Variants in KLHDC10 observed in about 807,000 individuals in gnomAD.
KLHDC10 encodes the protein kelch domain-containing protein 10.
Under a neutral mutation model 56.1 loss-of-function variants are expected in KLHDC10, and 24 were observed. The observed-to-expected ratio is 0.43, with a 90% CI of 0.31 to 0.60. KLHDC10 has a LOEUF of 0.60. Ranked by LOEUF, KLHDC10 falls within the 20% of genes least tolerant of loss-of-function variation. KLHDC10 has a pLI of 0.11. For synonymous variants in KLHDC10, 188 were observed against 207.1 expected (o/e 0.91, Z 0.79); for missense variants, 349 against 567.0 (o/e 0.62, Z 3.91).
intron 1 of KLHDC10, among the ~76,000 whole-genome samples, chr7:130,077,112 T>C (rs1321472587): frequency 6.6e-6 from 1 of 151,990 alleles, no homozygotes; most frequent in African/African-American, 2.4e-5. Context: ...CCCAACACTT[T>C]GGGATGCTGA....
intron 8 of KLHDC10, among the ~76,000 whole-genome samples, chr7:130,128,869 G>C (rs1186464688): frequency 2.0e-5 from 1 of 48,816 alleles, no homozygotes; most frequent in East Asian, 4.0e-4. Context: ...GTGAGACCTT[G>C]TCTCTTAAAA....
intron 6 of KLHDC10, among the ~76,000 whole-genome samples, chr7:130,125,449 A>G (rs961001318): frequency 6.6e-6 from 1 of 152,134 alleles, no homozygotes; most frequent in African/African-American, 2.4e-5. Context: ...AGGCTGAGGC[A>G]GGAGAATTGC....
intron 1 of KLHDC10, among the ~76,000 whole-genome samples, chr7:130,087,673 A>C (rs1183849903): frequency 6.6e-6 from 1 of 152,200 alleles, no homozygotes; most frequent in African/African-American, 2.4e-5. Flanking sequence ...AATTGATCAA[A>C]TGCTAACCAC....
chr7:130,077,840 C>T (rs1251450900), intron 1 of KLHDC10, among the ~76,000 whole-genome samples: 2 of 151,836 alleles, frequency 1.3e-5, no homozygotes, highest in Non-Finnish European at 2.9e-5. Flanking sequence ...CAGACGAGAG[C>T]CACCGCGCCC....
intron 1 of KLHDC10, among the ~76,000 whole-genome samples, chr7:130,095,662 C>T (rs1263730946): frequency 6.6e-6 from 1 of 152,124 alleles, no homozygotes; most frequent in Admixed American, 6.6e-5. Context: ...ATCTGTATAT[C>T]TCTATGTACA....
At position 130,130,202 on chromosome 7, in the gene KLHDC10, C is replaced by T. The variant is rs1796379919; in HGVS notation, c.1120-335C>T. 6.6e-6 allele frequency among the ~76,000 whole-genome samples: 1 copy of T among 151,684 alleles called. No individual in the cohort carries two copies. Among genetic ancestry groups the T allele is most frequent in the African/African-American group, 2.4e-5 (1 of 41,242 alleles). On this transcript the variant is annotated intron_variant, in intron 9 of 9. Transcript: ENST00000335420. The surrounding 1 kb of genome is among the most constrained non-coding windows in gnomAD (Gnocchi z 4.2). The stretch of plus-strand genomic sequence containing the variant: ...GGACGTGGTGGCGCGTGCCTGTATT[C>T]CCAGCTACTCTGGAGGCTGAAGCAG...
chr7:130,104,116 A>C (rs757127123), intron 2 of KLHDC10, among the ~76,000 whole-genome samples: 1 of 152,128 alleles, frequency 6.6e-6, no homozygotes, highest in Non-Finnish European at 1.5e-5. Context: ...AAAATAAAAT[A>C]CACTTACCAT....
intron 1 of KLHDC10, among the ~76,000 whole-genome samples, chr7:130,085,355 A>G (rs1482362152): frequency 2.0e-5 from 3 of 151,384 alleles, no homozygotes; most frequent in Non-Finnish European, 4.4e-5. Context: ...AAAAAAGAAT[A>G]TTTTTAAAAA....
chr7:130,111,767 A>G (rs546593760), intron 2 of KLHDC10, among the ~76,000 whole-genome samples: 41 of 152,308 alleles, frequency 2.7e-4, no homozygotes, highest in African/African-American at 8.2e-4. Flanking sequence ...AGACAACCTA[A>G]TAGATCTAAA....
intron 1 of KLHDC10, among the ~76,000 whole-genome samples, chr7:130,075,768 T>C (rs937497697): frequency 1.3e-5 from 2 of 152,160 alleles, no homozygotes; most frequent in Non-Finnish European, 2.9e-5. Context: ...TGTTTCCCTG[T>C]TGTTGTTCGA....
rs11313553 is a variant in KLHDC10, at chr7:130,120,444, AT to A, written c.476-296del. Reference sequence around the variant, plus strand: ...GACCAGAAGTGTTTCACATTTCAAAATTTTTTTTTGAATATTTGCATTGTAC... The same window carrying A: ...GACCAGAAGTGTTTCACATTTCAAAATTTTTTTTGAATATTTGCATTGTAC... On this transcript the variant is annotated intron_variant, in intron 3 of 9. Transcript: ENST00000335420. The surrounding 1 kb of genome is among the most constrained non-coding windows in gnomAD (Gnocchi z 5.1). Among the ~76,000 whole-genome samples, 18,326 of 151,886 alleles carry A rather than the reference AT, an allele frequency of 0.12. 1,303 individuals carry two copies. Among genetic ancestry groups the A allele is most frequent in the East Asian group, 0.31 (1,594 of 5,154 alleles).
chr7:130,087,816 A>G (rs1485637464), intron 1 of KLHDC10, among the ~76,000 whole-genome samples: 1 of 150,766 alleles, frequency 6.6e-6, no homozygotes, highest in Non-Finnish European at 1.5e-5. Flanking sequence ...GCTGGAGTGC[A>G]ATGGTACAGT....
rs1465288231 is a variant in KLHDC10, at chr7:130,105,592, C to T, written c.253+8585C>T. 2.0e-5 allele frequency among the ~76,000 whole-genome samples: 3 copies of T among 152,184 alleles called. No individual in the cohort carries two copies. In the East Asian group the frequency reaches 5.8e-4, roughly 29 times the overall value. On this transcript the variant is annotated intron_variant, in intron 2 of 9. Transcript: ENST00000335420. ...AAATAAACAGTATTGTTTAGAGATG[C>T]ATACCTAGGTATAATAAAGCTATAA...
At chr7:130,124,675 G>A in intron 6 of KLHDC10, 140 bp downstream of exon 6, 1 of 559,820 alleles carries the variant, frequency 1.8e-6, no homozygotes, top group Non-Finnish European at 3.3e-6. Context: ...TGTGTTGGAT[G>A]CACTTTATAA....
At chr7:130,114,729 T>C (rs1235377092) in intron 2 of KLHDC10, among the ~76,000 whole-genome samples, 1 of 152,106 alleles carries the variant, frequency 6.6e-6, no homozygotes, top group Non-Finnish European at 1.5e-5. Flanking sequence ...TACACTAATA[T>C]ATGAGTAGTA....
Position 130,120,161 on chromosome 7 carries a change from C to G in KLHDC10, c.476-588C>G, listed in dbSNP as rs6961878. Among the ~76,000 whole-genome samples the G allele has an allele frequency of 0.16, 24,457 of 152,162 alleles. 2,350 individuals are homozygous for G. The highest frequency in any genetic ancestry group is 0.31 in the East Asian group (1,601 of 5,170). On this transcript the variant is annotated intron_variant, in intron 3 of 9. Coordinates refer to ENST00000335420, the MANE Select transcript of KLHDC10 (RefSeq NM_014997.4). This position sits in a 1 kb window ranked among gnomAD's most constrained non-coding sequence, Gnocchi z 5.1. Reference sequence around the variant, plus strand: ...CTGAGTCCCCTTGGGTCTTTGCTAACGCAAAGATGATACTTCATTTTTCTC... The same window carrying G: ...CTGAGTCCCCTTGGGTCTTTGCTAAGGCAAAGATGATACTTCATTTTTCTC...
chr7:130,092,586 C>A (rs1402057039), intron 1 of KLHDC10, among the ~76,000 whole-genome samples: 1 of 152,114 alleles, frequency 6.6e-6, no homozygotes, highest in Admixed American at 6.6e-5. Flanking sequence ...GTGTTAGTAT[C>A]CCCACGGGGT....
rs1353314429 is a variant in KLHDC10 at position 130,135,196 on chromosome 7, A to ACAAAAAC, written c.*4453_*4454insAAACCAA. On this transcript the variant is annotated 3_prime_UTR_variant, in exon 10 of 10. Coordinates refer to ENST00000335420, the MANE Select transcript of KLHDC10 (RefSeq NM_014997.4). ...GGCAGTTTTCAGAAAAAAACAAAAA[A>ACAAAAAC]CAATTTCACCAAGCGGTAGTAATTG... The ACAAAAAC allele has an allele frequency of 6.6e-6, 1 of 152,400 alleles. No homozygotes were observed. The highest frequency in any genetic ancestry group is 1.5e-5 in the Non-Finnish European group (1 of 67,976). The allele number at this position is 152,400 out of a possible 1,614,324, so 9.4% of individuals were successfully genotyped here.
chr7:130,108,613 T>A (rs1269992967), intron 2 of KLHDC10, among the ~76,000 whole-genome samples: 1 of 146,640 alleles, frequency 6.8e-6, no homozygotes, highest in Non-Finnish European at 1.5e-5. Flanking sequence ...CCAGCACTCA[T>A]CAGGATGCTG....
Sources: allele counts gnomAD v4.1 joint callset (sites outside exome capture counted in the v4.1 genomes callset), GRCh38; gene constraint gnomAD v4.1.1; non-coding constraint Gnocchi (gnomAD v3.1); transcripts MANE v1.5; gene names NCBI Gene and HGNC (gene_info 2026-07-23, HGNC 2026-07-21).